ANGPTL3: variants seen among roughly 807,000 people sequenced by gnomAD.
ANGPTL3 encodes the protein angiopoietin-related protein 3.
Under a neutral mutation model 52.7 loss-of-function variants are expected in ANGPTL3, and 51 were observed. The ratio of observed to expected loss-of-function variants is 0.97; its 90% confidence interval spans 0.77 to 1.22. The LOEUF (loss-of-function observed/expected upper bound fraction) is 1.22. Among genes scored for constraint, ANGPTL3 ranks in the 50% most tolerant of loss-of-function variants. The pLI, the probability that ANGPTL3 is intolerant of heterozygous loss-of-function variation, is 0.00. For missense variants in ANGPTL3, 506 were observed against 520.7 expected (o/e 0.97, Z 0.27); for synonymous variants, 185 against 179.8 (o/e 1.03, Z -0.23).
chr1:62,597,869 A>T lies in ANGPTL3; in HGVS notation c.303A>T (p.Arg101Ser), dbSNP rs1649512726. Residue 101 changes from arginine to serine, a missense_variant, in exon 1 of 7, where the codon AGA becomes AGT. By Grantham distance (110) the Arg-to-Ser change is moderately radical (BLOSUM62 -1). Transcript: ENST00000371129. ...AAGAAGAAGAAAAGGAACTGAGAAG[A>T]ACTACATATAAACTACAAGTCAAAA... ...EIKEEEKELRRTTYKLQVKNE... is the reference protein window; with the variant it reads ...EIKEEEKELRSTTYKLQVKNE... 1 of 1,591,898 alleles carries T rather than the reference A, an allele frequency of 6.3e-7. No individual in the cohort carries two copies. Among genetic ancestry groups the T allele is most frequent in the African/African-American group, 1.4e-5 (1 of 73,652 alleles).
rs928756330 is a variant in ANGPTL3, at chr1:62,605,553, A to G, written c.*736A>G. ...ATACATTTTATATATTTTAACACTT[A>G]ATACTATGAAAACAAATAATTGTAA... On this transcript the variant is annotated 3_prime_UTR_variant, in exon 7 of 7. Coordinates refer to ENST00000371129, the MANE Select transcript of ANGPTL3 (RefSeq NM_014495.4). The G allele has an allele frequency of 6.6e-6, 1 of 152,438 alleles. No homozygotes were observed. The highest frequency in any genetic ancestry group is 1.5e-5 in the Non-Finnish European group (1 of 67,898). The allele number at this position is 152,438 out of a possible 1,614,324, so 9.4% of individuals were successfully genotyped here.
chr1:62,601,727 C>A, intron 3 of ANGPTL3, 42 bp from the exon 4 acceptor site: 1 of 1,303,904 alleles, frequency 7.7e-7, no homozygotes, highest in East Asian at 2.3e-5. Flanking sequence ...AGATATTATT[C>A]CTATTACTAA....
At chr1:62,602,031 T>C (rs1289373768) in intron 4 of ANGPTL3, 149 bp downstream of exon 4, 3 of 615,278 alleles carry the variant, frequency 4.9e-6, no homozygotes, top group Admixed American at 5.9e-5. Flanking sequence ...ACCTTGTTTA[T>C]GTATTTACTC....
chr1:62,602,449 G>C (rs1650292072), intron 5 of ANGPTL3, 69 bp downstream of exon 5: 1 of 1,381,136 alleles, frequency 7.2e-7, no homozygotes, highest in African/African-American at 1.4e-5. Context: ...ACCTCTTATG[G>C]ACCAGGTATT....
In ANGPTL3 at chr1:62,606,130, C is replaced by T. The variant is rs957952230; in HGVS notation, c.*1313C>T. On this transcript the variant is annotated 3_prime_UTR_variant, in exon 7 of 7. Coordinates refer to ENST00000371129, the MANE Select transcript of ANGPTL3 (RefSeq NM_014495.4). ...GTAAATATTTTGTTCCAGAAAAGTA[C>T]AAAATAATAAAGGTAAAAATAATCT... is the stretch of plus-strand genomic sequence containing the variant. 5 of 151,540 alleles carry T rather than the reference C, an allele frequency of 3.3e-5. No individual in the cohort carries two copies. Among genetic ancestry groups the T allele is most frequent in the African/African-American group, 1.2e-4 (5 of 41,272 alleles). The allele number at this position is 151,540 out of a possible 1,614,324, so 9.4% of individuals were successfully genotyped here. A position where few individuals can be genotyped will look rare whatever the true frequency, so the allele number is the denominator to read the frequency against.
chr1:62,601,240 A>T (rs1471684351), intron 3 of ANGPTL3, 44 bp downstream of exon 3: 2 of 1,289,138 alleles, frequency 1.6e-6, no homozygotes, highest in Admixed American at 3.4e-5. Flanking sequence ...TATTATTATC[A>T]AATTCCCTAT....
intron 2 of ANGPTL3, among the ~76,000 whole-genome samples, chr1:62,599,075 T>C (rs1292125901): frequency 6.6e-6 from 1 of 152,072 alleles, no homozygotes; most frequent in Non-Finnish European, 1.5e-5. Context: ...CTTATAGGAT[T>C]ATTGTAAGAA....
rs755058329 is a variant in ANGPTL3 at position 62,597,763 on chromosome 1, G to A, written c.197G>A (p.Gly66Asp). Reference protein sequence around the residue: ...GLKDFVHKTKGQINDIFQKLN... With the variant: ...GLKDFVHKTKDQINDIFQKLN... ...AAAGACTTTGTCCATAAGACGAAGG[G>A]CCAAATTAATGACATATTTCAAAAA... The change falls in exon 1 of 7, where the codon GGC becomes GAC. Residue 66 changes from glycine to aspartate, a missense_variant. Transcript: ENST00000371129. 7 of 1,613,398 alleles carry A rather than the reference G, an allele frequency of 4.3e-6. No homozygotes were observed. The highest frequency in any genetic ancestry group is 1.3e-5 in the African/African-American group (1 of 74,866).
At position 62,604,888 on chromosome 1, in the gene ANGPTL3, G is replaced by C. The variant is rs1287022693; in HGVS notation, c.*71G>C. On this transcript the variant is annotated 3_prime_UTR_variant, in exon 7 of 7. Transcript: ENST00000371129. Reference sequence around the variant, plus strand: ...CCAAGTTAATGTGGTCTAATAATCTGGTATTAAATCCTTAAGAGAAAGCTT... The same window carrying C: ...CCAAGTTAATGTGGTCTAATAATCTCGTATTAAATCCTTAAGAGAAAGCTT... 1.3e-6 allele frequency: 2 copies of C among 1,486,440 alleles called. No homozygotes were observed. The highest frequency in any genetic ancestry group is 1.9e-6 in the Non-Finnish European group (2 of 1,069,136). The allele number at this position is 1,486,440 out of a possible 1,614,324, so 92.1% of individuals were successfully genotyped here.
chr1:62,603,878 A>G, intron 5 of ANGPTL3, 91 bp from the exon 6 acceptor site: 4 of 1,234,460 alleles, frequency 3.2e-6, no homozygotes, highest in South Asian at 1.3e-5. Flanking sequence ...AAACAACTCA[A>G]TTAGTTGCAC....
Position 62,605,953 on chromosome 1 carries a change from C to T in ANGPTL3, c.*1136C>T, listed in dbSNP as rs1650925837. 1 of 151,600 alleles carries T rather than the reference C, an allele frequency of 6.6e-6. No individual in the cohort carries two copies. The highest frequency in any genetic ancestry group is 2.1e-4 in the South Asian group (1 of 4,788). 9.4% of individuals were successfully genotyped at this position (151,600 alleles called of 1,614,324 possible). A position where few individuals can be genotyped will look rare whatever the true frequency, so the allele number is the denominator to read the frequency against. ...GCCAGTAAGAAATTTTAAATTAAAC[C>T]CATTTGTTAAAGGATATAGTGCCCA... On this transcript the variant is annotated 3_prime_UTR_variant, in exon 7 of 7. Coordinates refer to ENST00000371129, the MANE Select transcript of ANGPTL3 (RefSeq NM_014495.4).
In ANGPTL3 at chr1:62,604,713, G is replaced by C. The variant is rs749942909; in HGVS notation, c.1279G>C (p.Glu427Gln). ...CAAACCAAGAGCAAAATCTAAGCCA[G>C]AGAGGAGAAGAGGATTATCTTGGAA... ...YNKPRAKSKP[E>Q]RRRGLSWKSQ... is the part of the protein sequence containing the mutation. Residue 427 changes from glutamate to glutamine, a missense_variant, in exon 7 of 7, where the codon GAG (glutamate) becomes CAG (glutamine). Physicochemically the swap from Glu to Gln is conservative, Grantham distance 29 (BLOSUM62 2). Transcript: ENST00000371129. 12 of 1,613,260 alleles carry C rather than the reference G, an allele frequency of 7.4e-6. No individual in the cohort carries two copies. The highest frequency in any genetic ancestry group is 1.0e-5 in the Non-Finnish European group (12 of 1,179,438).
Position 62,601,098 on chromosome 1 carries a change from T to G in ANGPTL3, c.623T>G (p.Ile208Ser). 6.2e-7 allele frequency: 1 copy of G among 1,602,082 alleles called. No homozygotes were observed. Among genetic ancestry groups the G allele is most frequent in the Non-Finnish European group, 8.5e-7 (1 of 1,169,650 alleles). Residue 208 changes from isoleucine to serine, a missense_variant, in exon 3 of 7, where the codon ATT becomes AGT. Coordinates refer to ENST00000371129, the MANE Select transcript of ANGPTL3 (RefSeq NM_014495.4). The stretch of plus-strand genomic sequence containing the variant: ...TTTTATCAGCTCAGAAGGACTAGTA[T>G]TCAAGAACCCACAGAAATTTCTCTA... ...EIENQLRRTS[I>S]QEPTEISLSS...
intron 1 of ANGPTL3, 103 bp downstream of exon 1, chr1:62,598,164 GA>G (rs1649571314): frequency 9.1e-7 from 1 of 1,099,696 alleles, no homozygotes; most frequent in South Asian, 2.5e-5. Flanking sequence ...TTGCATTGTT[GA>G]AATACTTTTT....
chr1:62,597,619 G>A lies in ANGPTL3; in HGVS notation c.53G>A (p.Arg18Lys), dbSNP rs1013469622. 4.3e-6 allele frequency: 7 copies of A among 1,612,842 alleles called. No homozygotes were observed. The African/African-American group carries it at 8.0e-5, about 18-fold the overall frequency. The part of the protein sequence containing the change: ...LFIVPLVISS[R>K]IDQDNSSFDS... ...ATTGTTCCTCTAGTTATTTCCTCCA[G>A]AATTGATCAAGACAATTCATCATTT... The change falls in exon 1 of 7, where the codon AGA (arginine) becomes AAA (lysine). Residue 18 changes from arginine (R) to lysine (K), a missense_variant. By Grantham distance (26) the Arg-to-Lys change is conservative (BLOSUM62 2). Coordinates refer to ENST00000371129, the MANE Select transcript of ANGPTL3 (RefSeq NM_014495.4).
In ANGPTL3 at chr1:62,604,677, G is replaced by C. The variant is rs747219923; in HGVS notation, c.1243G>C (p.Gly415Arg). 1 of 1,613,128 alleles carries C rather than the reference G, an allele frequency of 6.2e-7. No individual in the cohort carries two copies. The highest frequency in any genetic ancestry group is 8.5e-7 in the Non-Finnish European group (1 of 1,179,356). The change falls in exon 7 of 7, where the codon GGT (glycine) becomes CGT (arginine). Residue 415 changes from glycine to arginine, a missense_variant. Physicochemically the swap from Gly to Arg is moderately radical, Grantham distance 125. Transcript: ENST00000371129. ...HDECGENNLN[G>R]KYNKPRAKSK... ...TGAGTGTGGAGAAAACAACCTAAAT[G>C]GTAAATATAACAAACCAAGAGCAAA...
Position 62,606,011 on chromosome 1 carries a change from A to G in ANGPTL3, c.*1194A>G, listed in dbSNP as rs536844735. ...TGGTGACCTACCTTTGTCAATACTT[A>G]GCATTATGTATTTCAAATTATCCAA... On this transcript the variant is annotated 3_prime_UTR_variant, in exon 7 of 7. Coordinates refer to ENST00000371129, the MANE Select transcript of ANGPTL3 (RefSeq NM_014495.4). 6.6e-6 allele frequency: 1 copy of G among 152,200 alleles called. No homozygotes were observed. The highest frequency in any genetic ancestry group is 1.9e-4 in the East Asian group (1 of 5,194). 9.4% of individuals were successfully genotyped at this position (152,200 alleles called of 1,614,324 possible). A position where few individuals can be genotyped will look rare whatever the true frequency, so the allele number is the denominator to read the frequency against.
chr1:62,602,403 T>C (rs1397207596), intron 5 of ANGPTL3, 23 bp downstream of exon 5: 26 of 1,586,202 alleles, frequency 1.6e-5, no homozygotes, highest in African/African-American at 2.7e-5. Flanking sequence ...CATTCAATCA[T>C]TCATTCACTT....
In ANGPTL3 at chr1:62,604,225, G is replaced by A; in HGVS notation, c.1188G>A (p.Glu396=). ...HKAKGHFNCP[E]GYSGGWWWHD... ...CAAAAGGACACTTCAACTGTCCAGA[G>A]GGTTATTCAGGTATCTTTTTCTGAT... The change falls in exon 6 of 7, where the codon GAG becomes GAA. Residue 396 remains glutamate, a synonymous_variant. Transcript: ENST00000371129. 4 of 1,613,050 alleles carry A rather than the reference G, an allele frequency of 2.5e-6. No homozygotes were observed. Among genetic ancestry groups the A allele is most frequent in the Non-Finnish European group, 3.4e-6 (4 of 1,179,258 alleles).
Sources: gnomAD v4.1 joint callset for allele counts (sites outside exome capture counted in the v4.1 genomes callset) on GRCh38, gnomAD v4.1.1 for gene constraint, MANE v1.5 for transcripts, NCBI Gene and HGNC (gene_info 2026-07-23, HGNC 2026-07-21) for gene names.